Variants in KBTBD11 observed in about 807,000 individuals in gnomAD.
KBTBD11 encodes the protein kelch repeat and BTB domain containing 11.
For missense variants in KBTBD11, 1,390 were observed against 1,001.8 expected (o/e 1.39, Z -5.23); for synonymous variants, 747 against 499.0 (o/e 1.50, Z -6.63).
chr8:1,997,826 A>G (rs549703645), intron 1 of KBTBD11, among the ~76,000 whole-genome samples: 14 of 152,230 alleles, frequency 9.2e-5, no homozygotes, highest in African/African-American at 1.7e-4. Context: ...TGCTCTGCCA[A>G]CTTGCTTTGT....
rs574285506 is a variant in KBTBD11, at chr8:1,991,480, T to C, written c.-908-8805T>C. ...CTGTCCTCTTCCCATTTTTAAGTTT[T>C]CTGCTGTGTGCATTGTTTCTTTTCT... On this transcript the variant is annotated intron_variant, in intron 1 of 1. Transcript: ENST00000320248. 7.2e-5 allele frequency among the ~76,000 whole-genome samples: 11 copies of C among 152,380 alleles called. No individual in the cohort carries two copies. The East Asian group carries it at 2.1e-3, about 29-fold the overall frequency.
chr8:1,985,355 G>A lies in KBTBD11; in HGVS notation c.-909+11420G>A, dbSNP rs920006862. On this transcript the variant is annotated intron_variant, in intron 1 of 1. Transcript: ENST00000320248. ...AGCCTGCCTGACCTGGCCGACTCCC[G>A]CGCCACCTGGCTTTATTCCTCTGAA... Among the ~76,000 whole-genome samples, 3 of 152,266 alleles carry A rather than the reference G, an allele frequency of 2.0e-5. No individual in the cohort carries two copies. In the South Asian group the frequency reaches 6.2e-4, roughly 31 times the overall value.
chr8:2,001,076 T>C lies in KBTBD11; in HGVS notation c.-117T>C. The C allele has an allele frequency of 1.6e-6, 2 of 1,236,466 alleles. No individual in the cohort carries two copies. Among genetic ancestry groups the C allele is most frequent in the Non-Finnish European group, 2.0e-6 (2 of 981,498 alleles). The allele number at this position is 1,236,466 out of a possible 1,614,324, so 76.6% of individuals were successfully genotyped here. ...AGCGTGGACACACAGAAGTGAAATC[T>C]GATCGCGTGCCAGGAAAAGCTGTGA... On this transcript the variant is annotated 5_prime_UTR_variant, in exon 2 of 2. Transcript: ENST00000320248.
chr8:1,981,277 T>C (rs1816532006), intron 1 of KBTBD11, among the ~76,000 whole-genome samples: 1 of 152,206 alleles, frequency 6.6e-6, no homozygotes, highest in African/African-American at 2.4e-5. Context: ...ACCTGTCTTA[T>C]AAGAAATGCT....
intron 1 of KBTBD11, among the ~76,000 whole-genome samples, chr8:1,984,056 G>T (rs970756374): frequency 5.3e-5 from 8 of 152,220 alleles, no homozygotes; most frequent in African/African-American, 1.7e-4. Flanking sequence ...CTTGAACCTG[G>T]GTGGTAGAGG....
At chr8:1,975,192 C>G (rs1029736843) in intron 1 of KBTBD11, 2 of 152,258 alleles carry the variant, frequency 1.3e-5, no homozygotes, top group African/African-American at 4.8e-5. Flanking sequence ...CATTGCAATG[C>G]TCCCATCAGG....
intron 1 of KBTBD11, chr8:1,974,629 C>T (rs1472113110): frequency 1.0e-6 from 1 of 985,272 alleles, no homozygotes; most frequent in African/African-American, 1.7e-5. Context: ...GCCGCGGCTC[C>T]CGAGTCCTGC....
At chr8:1,982,282 A>C (rs1816563203) in intron 1 of KBTBD11, among the ~76,000 whole-genome samples, 1 of 152,224 alleles carries the variant, frequency 6.6e-6, no homozygotes, top group Non-Finnish European at 1.5e-5. Flanking sequence ...TCAAGAATCA[A>C]AGCATACCAC....
At chr8:1,993,903 A>T (rs1817029791) in intron 1 of KBTBD11, among the ~76,000 whole-genome samples, 1 of 129,640 alleles carries the variant, frequency 7.7e-6, no homozygotes, top group African/African-American at 2.7e-5. Context: ...CTATCAATAT[A>T]TGAATACACA....
chr8:1,989,909 C>G (rs909811919), intron 1 of KBTBD11, among the ~76,000 whole-genome samples: 5 of 136,420 alleles, frequency 3.7e-5, no homozygotes, highest in Non-Finnish European at 6.1e-5. Flanking sequence ...GAACAGATAA[C>G]GATGTCTCAG....
At chr8:1,998,747 T>C (rs984346785) in intron 1 of KBTBD11, among the ~76,000 whole-genome samples, 1 of 152,250 alleles carries the variant, frequency 6.6e-6, no homozygotes, top group Admixed American at 6.5e-5. Flanking sequence ...GTATTTCTTA[T>C]CTGATAGAGA....
At chr8:1,975,563 G>C (rs563794866) in intron 1 of KBTBD11, among the ~76,000 whole-genome samples, 25 of 152,366 alleles carry the variant, frequency 1.6e-4, no homozygotes, top group Non-Finnish European at 3.2e-4. Context: ...GCACCGCCTA[G>C]GTGTGTAGGT....
rs1214795717 is a variant in KBTBD11, at chr8:1,973,938, A to G, written c.-909+3A>G. ...GGCTGAAGAGGAGCCGCGGCGAGGT[A>G]GGGCGGACCCCGGGGAGGCAGCGGC... On this transcript the variant is annotated splice_donor_region_variant and intron_variant, in intron 1 of 1. Coordinates refer to ENST00000320248, the MANE Select transcript of KBTBD11 (RefSeq NM_014867.3). The G allele has an allele frequency of 1.6e-4, 157 of 979,854 alleles. No individual in the cohort carries two copies. Among genetic ancestry groups the G allele is most frequent in the Non-Finnish European group, 1.8e-4 (153 of 827,618 alleles). The allele number at this position is 979,854 out of a possible 1,614,324, so 60.7% of individuals were successfully genotyped here.
chr8:1,981,417 A>G (rs541068938), intron 1 of KBTBD11, among the ~76,000 whole-genome samples: 1 of 152,378 alleles, frequency 6.6e-6, no homozygotes, highest in Admixed American at 6.5e-5. Flanking sequence ...TAACGATGGT[A>G]TGTAAATTAA....
In KBTBD11 at chr8:2,002,499, CCCCCGTGGCGCCGCTG is replaced by C. The variant is rs1563381340; in HGVS notation, c.1313_1328del (p.Val438GlyfsTer65). ...TACGACCCGCGCGCCGACCGCTGGG[CCCCCGTGGCGCCGCTG>C]CCCCGGGGCGCCTTCGCCGTGGCGC... On this transcript the variant is annotated frameshift_variant, in exon 2 of 2. Coordinates refer to ENST00000320248, the MANE Select transcript of KBTBD11 (RefSeq NM_014867.3). LOFTEE classifies it low-confidence loss of function (END_TRUNC). The surrounding 1 kb of genome is among the most constrained non-coding windows in gnomAD (Gnocchi z 4.1). 9 of 1,510,628 alleles carry C rather than the reference CCCCCGTGGCGCCGCTG, an allele frequency of 6.0e-6. No individual in the cohort carries two copies. Among genetic ancestry groups the C allele is most frequent in the Non-Finnish European group, 7.9e-6 (9 of 1,139,094 alleles). The allele number at this position is 1,510,628 out of a possible 1,614,324, so 93.6% of individuals were successfully genotyped here. A position where few individuals can be genotyped will look rare whatever the true frequency, so the allele number is the denominator to read the frequency against.
chr8:2,001,698 C>A lies in KBTBD11; in HGVS notation c.506C>A (p.Ala169Glu). The A allele has an allele frequency of 7.0e-7, 1 of 1,428,866 alleles. No individual in the cohort carries two copies. The highest frequency in any genetic ancestry group is 9.1e-7 in the Non-Finnish European group (1 of 1,096,122). The allele number at this position is 1,428,866 out of a possible 1,614,324, so 88.5% of individuals were successfully genotyped here. Reference protein sequence around the residue: ...AARSDYFRARASRDVLRVQGV... With the variant: ...AARSDYFRARESRDVLRVQGV... Reference sequence around the variant, plus strand: ...CGCAGCGACTACTTCCGCGCGCGCGCGTCGCGGGACGTGCTGCGGGTGCAG... The same window carrying A: ...CGCAGCGACTACTTCCGCGCGCGCGAGTCGCGGGACGTGCTGCGGGTGCAG... Residue 169 changes from alanine to glutamate, a missense_variant, in exon 2 of 2, where the codon GCG (alanine) becomes GAG (glutamate). Transcript: ENST00000320248.
At chr8:1,979,167 G>A (rs1816452571) in intron 1 of KBTBD11, among the ~76,000 whole-genome samples, 1 of 152,222 alleles carries the variant, frequency 6.6e-6, no homozygotes, top group South Asian at 2.1e-4. Context: ...GATCTGCAGG[G>A]CAGGCCGGCA....
intron 1 of KBTBD11, among the ~76,000 whole-genome samples, chr8:1,981,494 A>G (rs755707778): frequency 6.6e-6 from 1 of 152,228 alleles, no homozygotes; most frequent in Non-Finnish European, 1.5e-5. Context: ...GTGATGGTTA[A>G]TTTCAAGGTG....
Position 1,993,094 on chromosome 8 carries a change from C to T in KBTBD11, c.-908-7191C>T, listed in dbSNP as rs147934485. Among the ~76,000 whole-genome samples, 1,283 of 152,084 alleles carry T rather than the reference C, an allele frequency of 8.4e-3. 27 individuals are homozygous for T. The highest frequency in any genetic ancestry group is 0.029 in the African/African-American group (1,205 of 41,412). ...AGCTAGGGCTACAAATGCTGCATGCCACCACTCTCAGCTAATTTTTTTTTG... is the reference window on the plus strand; with the variant it reads ...AGCTAGGGCTACAAATGCTGCATGCTACCACTCTCAGCTAATTTTTTTTTG... On this transcript the variant is annotated intron_variant, in intron 1 of 1. Coordinates refer to ENST00000320248, the MANE Select transcript of KBTBD11 (RefSeq NM_014867.3).
Sources: gnomAD v4.1 joint callset for allele counts (sites outside exome capture counted in the v4.1 genomes callset) on GRCh38, gnomAD v4.1.1 for gene constraint, Gnocchi (gnomAD v3.1) non-coding constraint, MANE v1.5 for transcripts, NCBI Gene and HGNC (gene_info 2026-07-23, HGNC 2026-07-21) for gene names.